PCDHGA7: variants seen among roughly 807,000 people sequenced by gnomAD.
PCDHGA7 encodes the protein protocadherin gamma-A7.
A neutral mutation model predicts 58.3 loss-of-function variants in PCDHGA7; 44 were observed. That is an observed-to-expected ratio of 0.75 (90% confidence interval 0.59 to 0.97). The LOEUF (loss-of-function observed/expected upper bound fraction) is 0.97, where lower values mean the gene tolerates loss of function less well. Ranked by LOEUF, PCDHGA7 falls within the 50% of genes least tolerant of loss-of-function variation. PCDHGA7 has a pLI of 0.00. For synonymous variants in PCDHGA7, 516 were observed against 504.2 expected, an observed-to-expected ratio of 1.02 and a Z score of -0.31; for missense variants, 1,266 against 1,188.7, an observed-to-expected ratio of 1.06 and a Z score of -0.96.
At chr5:141,418,674 GCAT>G (rs1401114725) in intron 1 of PCDHGA7, 1 of 1,614,032 alleles carries the variant, frequency 6.2e-7, no homozygotes, top group Non-Finnish European at 8.5e-7. Flanking sequence ...CAGGACGAGG[GCAT>G]CAACTCAGAG....
chr5:141,422,685 C>G lies in PCDHGA7; in HGVS notation c.2424+37362C>G, dbSNP rs754112462. The G allele has an allele frequency of 2.5e-6, 4 of 1,605,144 alleles. No individual in the cohort carries two copies. The South Asian group carries it at 4.5e-5, about 18-fold the overall frequency. On this transcript the variant is annotated intron_variant, in intron 1 of 3. Coordinates refer to ENST00000518325, the MANE Select transcript of PCDHGA7 (RefSeq NM_018920.4). ...TCGACCCGGACAGCAAACAGAATGCCCTGGTCACTTACTCTCTGACGGATG... is the reference window on the plus strand; with the variant it reads ...TCGACCCGGACAGCAAACAGAATGCGCTGGTCACTTACTCTCTGACGGATG...
Position 141,477,678 on chromosome 5 carries a change from C to T in PCDHGA7, c.2425-17129C>T, listed in dbSNP as rs967769574. ...AATCGTGACAATGGCATAGTGTCAT[C>T]CTTAGTGCCCCTAGACTATGAGGAT... On this transcript the variant is annotated intron_variant, in intron 1 of 3. Coordinates refer to ENST00000518325, the MANE Select transcript of PCDHGA7 (RefSeq NM_018920.4). This position sits in a 1 kb window ranked among gnomAD's most constrained non-coding sequence, Gnocchi z 4.9. 9.9e-6 allele frequency: 16 copies of T among 1,614,182 alleles called. No homozygotes were observed. The highest frequency in any genetic ancestry group is 1.1e-5 in the Non-Finnish European group (13 of 1,180,046).
chr5:141,403,992 T>G, intron 1 of PCDHGA7: 2 of 1,613,848 alleles, frequency 1.2e-6, no homozygotes, highest in South Asian at 2.2e-5. Flanking sequence ...AGACCTGAAG[T>G]GACCATTACA....
At chr5:141,460,331 A>T (rs537463160) in intron 1 of PCDHGA7, among the ~76,000 whole-genome samples, 3 of 152,212 alleles carry the variant, frequency 2.0e-5, no homozygotes, top group African/African-American at 7.2e-5. Flanking sequence ...AAAACTTATG[A>T]TGATTTTCTC....
chr5:141,409,928 G>T, intron 1 of PCDHGA7: 4 of 1,613,354 alleles, frequency 2.5e-6, no homozygotes, highest in Non-Finnish European at 2.5e-6. Flanking sequence ...CGCGTTCTTC[G>T]ATATGGTACC....
rs2092610841 is a variant in PCDHGA7 at position 141,392,842 on chromosome 5, G to C, written c.2424+7519G>C. 6.2e-7 allele frequency: 1 copy of C among 1,609,194 alleles called. No homozygotes were observed. The highest frequency in any genetic ancestry group is 8.5e-7 in the Non-Finnish European group (1 of 1,177,812). On this transcript the variant is annotated intron_variant, in intron 1 of 3. Transcript: ENST00000518325. ...GCCGCTCCACAGAGTCGCCCCAGACGCGGCGAGCTGATCCTGCTGTGCGCG... is the reference window on the plus strand; with the variant it reads ...GCCGCTCCACAGAGTCGCCCCAGACCCGGCGAGCTGATCCTGCTGTGCGCG...
At chr5:141,403,860 C>A (rs201458472) in intron 1 of PCDHGA7, 1 of 1,613,382 alleles carries the variant, frequency 6.2e-7, no homozygotes, top group Non-Finnish European at 8.5e-7. Flanking sequence ...GAAATATCAA[C>A]AGCAAAAAGT....
In PCDHGA7 at chr5:141,430,950, T is replaced by A. The variant is rs756423770; in HGVS notation, c.2424+45627T>A. 7 of 1,609,862 alleles carry A rather than the reference T, an allele frequency of 4.3e-6. No individual in the cohort carries two copies. Among genetic ancestry groups the A allele is most frequent in the Non-Finnish European group, 5.1e-6 (6 of 1,178,368 alleles). On this transcript the variant is annotated intron_variant, in intron 1 of 3. Transcript: ENST00000518325. ...CCCCGGGAGCTCGCGGAGCGCGGAG[T>A]CCGCATCATCCCCAGAGGTAGGACG... is the stretch of plus-strand genomic sequence containing the variant.
At chr5:141,446,502 A>G (rs1178198384) in intron 1 of PCDHGA7, among the ~76,000 whole-genome samples, 5 of 150,732 alleles carry the variant, frequency 3.3e-5, no homozygotes, top group Non-Finnish European at 7.4e-5. Context: ...TTTGAGATGG[A>G]GTCTCGCTCT....
intron 1 of PCDHGA7, among the ~76,000 whole-genome samples, chr5:141,449,680 T>C (rs2098651613): frequency 6.6e-6 from 1 of 151,546 alleles, no homozygotes; most frequent in Admixed American, 6.6e-5. Flanking sequence ...TATGTATATA[T>C]GTTTGTGTGT....
At chr5:141,443,481 G>C (rs1025329476) in intron 1 of PCDHGA7, among the ~76,000 whole-genome samples, 3 of 152,114 alleles carry the variant, frequency 2.0e-5, no homozygotes, top group African/African-American at 7.2e-5. Context: ...ATTAGACCCT[G>C]TCCCAAAACA....
chr5:141,509,292 T>A (rs1407798154), intron 3 of PCDHGA7, among the ~76,000 whole-genome samples: 1 of 152,028 alleles, frequency 6.6e-6, no homozygotes, highest in Non-Finnish European at 1.5e-5. Context: ...GGGTCCAGGG[T>A]GGAGGCAGAG....
At chr5:141,428,117 G>T in intron 1 of PCDHGA7, 2 of 1,607,102 alleles carry the variant, frequency 1.2e-6, no homozygotes, top group East Asian at 2.2e-5. Context: ...AGGCCATCGA[G>T]CCCGGGCTTT....
At chr5:141,465,323 G>A (rs757662972) in intron 1 of PCDHGA7, among the ~76,000 whole-genome samples, 1 of 152,138 alleles carries the variant, frequency 6.6e-6, no homozygotes, top group Non-Finnish European at 1.5e-5. Flanking sequence ...TGTCAATGCA[G>A]TATTTTTTAT....
chr5:141,407,478 A>G (rs1230151085), intron 1 of PCDHGA7, among the ~76,000 whole-genome samples: 1 of 144,006 alleles, frequency 6.9e-6, no homozygotes, highest in Non-Finnish European at 1.6e-5. Flanking sequence ...TGAATGGAGT[A>G]TGGAAAATCT....
chr5:141,408,918 C>G, intron 1 of PCDHGA7: 1 of 1,613,408 alleles, frequency 6.2e-7, no homozygotes, highest in Non-Finnish European at 8.5e-7. Flanking sequence ...AATGATAACC[C>G]CCCGGTTTTC....
intron 1 of PCDHGA7, chr5:141,408,377 C>A: frequency 6.2e-7 from 1 of 1,614,020 alleles, no homozygotes; most frequent in Non-Finnish European, 8.5e-7. Flanking sequence ...GCTCAGTGTC[C>A]TGGATGTGTC....
chr5:141,383,279 A>G lies in PCDHGA7; in HGVS notation c.380A>G (p.Asn127Ser). 4.3e-6 allele frequency: 7 copies of G among 1,613,948 alleles called. No individual in the cohort carries two copies. The highest frequency in any genetic ancestry group is 5.9e-6 in the Non-Finnish European group (7 of 1,179,892). ...YPIDVEIIDI[N>S]DNVPRFLTEE... ...ATAGACGTGGAAATAATAGATATTAATGACAACGTTCCAAGATTCTTGACG... is the reference window on the plus strand; with the variant it reads ...ATAGACGTGGAAATAATAGATATTAGTGACAACGTTCCAAGATTCTTGACG... Residue 127 changes from asparagine to serine, a missense_variant, in exon 1 of 4, where the codon AAT becomes AGT. Transcript: ENST00000518325.
intron 2 of PCDHGA7, among the ~76,000 whole-genome samples, chr5:141,500,046 T>C (rs959260262): frequency 1.3e-5 from 2 of 152,098 alleles, no homozygotes; most frequent in African/African-American, 4.8e-5. Context: ...TTAAGTATCT[T>C]AATGCTCTTT....
Sources: allele counts gnomAD v4.1 joint callset (sites outside exome capture counted in the v4.1 genomes callset), GRCh38; gene constraint gnomAD v4.1.1; non-coding constraint Gnocchi (gnomAD v3.1); transcripts MANE v1.5; gene names NCBI Gene and HGNC (gene_info 2026-07-23, HGNC 2026-07-21).